FBXW8: variants seen among roughly 807,000 people sequenced by gnomAD.
The protein encoded by FBXW8 is F-box and WD repeat domain containing 8.
Under a neutral mutation model 65.3 loss-of-function variants are expected in FBXW8, and 57 were observed. That is an observed-to-expected ratio of 0.87 (90% CI 0.71 to 1.09). The LOEUF (loss-of-function observed/expected upper bound fraction) is 1.09, where lower values mean the gene tolerates loss of function less well. Ranked by LOEUF, FBXW8 falls within the 50% of genes least tolerant of loss-of-function variation. The pLI is 0.00. For synonymous variants in FBXW8, 308 were observed against 330.2 expected (o/e 0.93, Z 0.73); for missense variants, 777 against 814.8 (o/e 0.95, Z 0.57).
Position 116,964,945 on chromosome 12 carries a change from C to G in FBXW8, c.835+91C>G. ...TGGCCGGCTCCCCCCTGTAATCCCT[C>G]CATATGTACACGTGGGCACACACAC... On this transcript the variant is annotated intron_variant, in intron 5 of 10. Transcript: ENST00000652555. 2.3e-6 allele frequency: 3 copies of G among 1,326,620 alleles called. No individual in the cohort carries two copies. In the Admixed American group the frequency reaches 7.4e-5, roughly 33 times the overall value. The allele number at this position is 1,326,620 out of a possible 1,614,324, so 82.2% of individuals were successfully genotyped here.
intron 8 of FBXW8, among the ~76,000 whole-genome samples, chr12:117,010,756 ATTTG>A (rs146662313): frequency 0.032 from 4,883 of 152,346 alleles, 105 homozygotes; most frequent in South Asian, 0.056. Context: ...CTGCTGCAAA[ATTTG>A]TTTGGCACTT....
intron 2 of FBXW8, among the ~76,000 whole-genome samples, chr12:116,930,057 G>T (rs568760254): frequency 5.3e-4 from 80 of 151,842 alleles, no homozygotes; most frequent in African/African-American, 1.9e-3. Context: ...ATTCCATTGT[G>T]TATACATGCC....
chr12:116,924,456 G>C (rs897470935), intron 1 of FBXW8, among the ~76,000 whole-genome samples: 1 of 152,042 alleles, frequency 6.6e-6, no homozygotes, highest in African/African-American at 2.4e-5. Flanking sequence ...CTAGCTATTT[G>C]AAAATATACA....
At chr12:117,027,735 A>C (rs1335839793) in intron 10 of FBXW8, among the ~76,000 whole-genome samples, 1 of 152,206 alleles carries the variant, frequency 6.6e-6, no homozygotes. Flanking sequence ...ACAGAGAGGG[A>C]GGGCAAGCCG....
At chr12:116,960,397 C>T (rs952018257) in intron 4 of FBXW8, among the ~76,000 whole-genome samples, 1 of 152,190 alleles carries the variant, frequency 6.6e-6, no homozygotes, top group Non-Finnish European at 1.5e-5. Context: ...CCTGTCAATA[C>T]AGGAGACGTA....
intron 4 of FBXW8, among the ~76,000 whole-genome samples, chr12:116,963,435 C>T (rs1393913417): frequency 1.3e-5 from 2 of 152,030 alleles, no homozygotes; most frequent in Non-Finnish European, 2.9e-5. Context: ...CCCATCTCTA[C>T]TAAAAACTAA....
chr12:116,958,248 C>T, intron 4 of FBXW8, among the ~76,000 whole-genome samples: 1 of 152,118 alleles, frequency 6.6e-6, no homozygotes, highest in Non-Finnish European at 1.5e-5. Context: ...ATAATACAAC[C>T]CCATCGTGTT....
At chr12:116,966,721 CT>C (rs112723864) in intron 5 of FBXW8, among the ~76,000 whole-genome samples, 46 of 147,302 alleles carry the variant, frequency 3.1e-4, no homozygotes, top group East Asian at 9.8e-4. Flanking sequence ...AAAGAATCTA[CT>C]TTTTTTTTTT....
intron 2 of FBXW8, among the ~76,000 whole-genome samples, chr12:116,931,085 A>G (rs1881736463): frequency 6.6e-6 from 1 of 152,118 alleles, no homozygotes; most frequent in African/African-American, 2.4e-5. Context: ...ATGGGATCTA[A>G]TTTCATTCTT....
At chr12:116,948,000 C>T (rs182919240) in intron 3 of FBXW8, among the ~76,000 whole-genome samples, 3 of 152,096 alleles carry the variant, frequency 2.0e-5, no homozygotes, top group South Asian at 2.1e-4. Flanking sequence ...TGTGCGTGCT[C>T]GACTTCAGGA....
intron 4 of FBXW8, among the ~76,000 whole-genome samples, chr12:116,958,053 T>C (rs2137375866): frequency 6.6e-6 from 1 of 152,370 alleles, no homozygotes; most frequent in East Asian, 1.9e-4. Flanking sequence ...TCTGACTCTA[T>C]TGATTGTGAT....
At chr12:116,930,830 C>G (rs1394195441) in intron 2 of FBXW8, among the ~76,000 whole-genome samples, 1 of 152,082 alleles carries the variant, frequency 6.6e-6, no homozygotes, top group Non-Finnish European at 1.5e-5. Flanking sequence ...TTTATTGAGA[C>G]AGAGCCTCAC....
chr12:116,911,183 C>T lies in FBXW8; in HGVS notation c.146C>T (p.Ala49Val), dbSNP rs1264904680. 6 of 1,300,074 alleles carry T rather than the reference C, an allele frequency of 4.6e-6. No homozygotes were observed. The highest frequency in any genetic ancestry group is 2.9e-4 in the Middle Eastern group (1 of 3,494). The allele number at this position is 1,300,074 out of a possible 1,614,324, so 80.5% of individuals were successfully genotyped here. A position where few individuals can be genotyped will look rare whatever the true frequency, so the allele number is the denominator to read the frequency against. Residue 49 changes from alanine to valine, a missense_variant, in exon 1 of 11, where the codon GCC becomes GTC. By Grantham distance (64) the Ala-to-Val change is moderately conservative. Transcript: ENST00000652555. ...GTGGGCTCCGGGCGCGGCGAACAGG[C>T]CTCGGGGGACCCGGCGCTGGCCCAG... Reference protein sequence around the residue: ...PEVGSGRGEQASGDPALAQRL... With the variant: ...PEVGSGRGEQVSGDPALAQRL...
At chr12:117,005,725 C>T (rs1953658456) in intron 7 of FBXW8, among the ~76,000 whole-genome samples, 1 of 152,250 alleles carries the variant, frequency 6.6e-6, no homozygotes, top group African/African-American at 2.4e-5. Flanking sequence ...ACAAAGGCAG[C>T]TGGAGTGGAC....
At chr12:116,911,402 GC>G in intron 1 of FBXW8, 47 bp downstream of exon 1, 2 of 951,796 alleles carry the variant, frequency 2.1e-6, no homozygotes, top group South Asian at 5.0e-5. Flanking sequence ...GCCGGCCCCC[GC>G]CCCCAGGACA....
At chr12:116,989,982 C>T (rs1235426788) in intron 7 of FBXW8, among the ~76,000 whole-genome samples, 2 of 152,244 alleles carry the variant, frequency 1.3e-5, no homozygotes, top group Non-Finnish European at 2.9e-5. Flanking sequence ...CTGAACCTCC[C>T]GTTATTCCTC....
intron 2 of FBXW8, among the ~76,000 whole-genome samples, chr12:116,933,767 T>G (rs1450994642): frequency 6.6e-6 from 1 of 152,234 alleles, no homozygotes; most frequent in Non-Finnish European, 1.5e-5. Flanking sequence ...TAGAATTGGC[T>G]TTGTTTCATC....
rs113576890 is a variant in FBXW8 at position 117,011,555 on chromosome 12, C to T, written c.1367+1105C>T. ...GGGCTAGTTCTCTTTAGAAACTAGG[C>T]TTGATAAGTGGCCCCACATGTGGCA... On this transcript the variant is annotated intron_variant, in intron 8 of 10. Transcript: ENST00000652555. Among the ~76,000 whole-genome samples the T allele has an allele frequency of 3.2e-3, 481 of 152,258 alleles. 4 individuals carry two copies. The highest frequency in any genetic ancestry group is 0.011 in the African/African-American group (457 of 41,538).
intron 3 of FBXW8, among the ~76,000 whole-genome samples, chr12:116,946,828 C>T (rs1375022765): frequency 6.6e-5 from 10 of 152,036 alleles, no homozygotes; most frequent in Admixed American, 6.6e-4. Flanking sequence ...CCCAGATAAA[C>T]AAGGGGTCAG....
Sources: gnomAD v4.1 joint callset for allele counts (sites outside exome capture counted in the v4.1 genomes callset) on GRCh38, gnomAD v4.1.1 for gene constraint, MANE v1.5 for transcripts, NCBI Gene and HGNC (gene_info 2026-07-23, HGNC 2026-07-21) for gene names.